Variants in SLC10A7 observed in about 807,000 individuals in gnomAD.
SLC10A7 encodes solute carrier family 10 member 7.
A neutral mutation model predicts 43.2 loss-of-function variants in SLC10A7; 29 were observed. That is an observed-to-expected ratio of 0.67 (90% confidence interval 0.50 to 0.92). The LOEUF is 0.92. Ranked by LOEUF, SLC10A7 falls within the 40% of genes least tolerant of loss-of-function variation. SLC10A7 has a pLI of 0.00. For synonymous variants in SLC10A7, 152 were observed against 144.8 expected, an observed-to-expected ratio of 1.05 and a Z score of -0.35; for missense variants, 295 against 403.2, an observed-to-expected ratio of 0.73 and a Z score of 2.30.
chr4:146,305,599 A>G (rs1246559005), intron 7 of SLC10A7, among the ~76,000 whole-genome samples: 2 of 151,980 alleles, frequency 1.3e-5, no homozygotes, highest in Non-Finnish European at 2.9e-5. Flanking sequence ...AAACTTAAAA[A>G]AAAAAGACTT....
chr4:146,298,944 A>G (rs1306771640), intron 7 of SLC10A7, among the ~76,000 whole-genome samples: 1 of 152,254 alleles, frequency 6.6e-6, no homozygotes, highest in African/African-American at 2.4e-5. Flanking sequence ...AATCAGAGTC[A>G]GTCAATAATG....
At position 146,351,013 on chromosome 4, in the gene SLC10A7, C is replaced by T. The variant is rs992724737; in HGVS notation, c.436-25017G>A. Among the ~76,000 whole-genome samples, 19 of 150,778 alleles carry T rather than the reference C, an allele frequency of 1.3e-4. 1 individual carries two copies. Among genetic ancestry groups the T allele is most frequent in the East Asian group, 7.8e-4 (4 of 5,142 alleles). On this transcript the variant is annotated intron_variant, in intron 5 of 11. Coordinates refer to ENST00000335472, the MANE Select transcript of SLC10A7 (RefSeq NM_001029998.6). ...AAGGAACGCAGTTCCTCACCAGCAA[C>T]GGAACAAAGCTGGATGGAGAATGAT... is the stretch of plus-strand genomic sequence containing the variant.
At chr4:146,384,850 C>A (rs956501020) in intron 5 of SLC10A7, among the ~76,000 whole-genome samples, 1 of 151,972 alleles carries the variant, frequency 6.6e-6, no homozygotes, top group Non-Finnish European at 1.5e-5. Context: ...GGGATACTTG[C>A]ATTTTTTTTA....
chr4:146,354,680 C>G (rs1158034807), intron 5 of SLC10A7, among the ~76,000 whole-genome samples: 2 of 151,348 alleles, frequency 1.3e-5, no homozygotes, highest in African/African-American at 4.9e-5. Context: ...GGTACTGTAC[C>G]AAAACAGAGA....
intron 4 of SLC10A7, among the ~76,000 whole-genome samples, chr4:146,495,512 A>C (rs571172220): frequency 6.6e-6 from 1 of 152,334 alleles, no homozygotes; most frequent in South Asian, 2.1e-4. Context: ...TTGAACTTAC[A>C]GTCTCCATTT....
chr4:146,464,026 T>C (rs1198669547), intron 4 of SLC10A7, among the ~76,000 whole-genome samples: 1 of 151,920 alleles, frequency 6.6e-6, no homozygotes, highest in African/African-American at 2.4e-5. Context: ...GGTCCCACTA[T>C]GTTGCCCAGG....
chr4:146,340,722 G>T (rs1734207494), intron 5 of SLC10A7, among the ~76,000 whole-genome samples: 2 of 151,778 alleles, frequency 1.3e-5, no homozygotes, highest in Non-Finnish European at 2.9e-5. Context: ...TAGCCATTGG[G>T]TGTTGTTACT....
chr4:146,320,195 G>T (rs1464018645), intron 6 of SLC10A7, among the ~76,000 whole-genome samples: 1 of 152,074 alleles, frequency 6.6e-6, no homozygotes, highest in African/African-American at 2.4e-5. Flanking sequence ...AGACCAGTCA[G>T]CATGGTAGTA....
chr4:146,498,157 G>A (rs549628072), intron 4 of SLC10A7, among the ~76,000 whole-genome samples: 30 of 148,406 alleles, frequency 2.0e-4, no homozygotes, highest in Admixed American at 9.5e-4. Context: ...TCGCTCTGTC[G>A]CCCAGGCTGG....
At position 146,286,669 on chromosome 4, in the gene SLC10A7, A is replaced by G. The variant is rs546141539; in HGVS notation, c.774-3404T>C. On this transcript the variant is annotated intron_variant, in intron 9 of 11. Coordinates refer to ENST00000335472, the MANE Select transcript of SLC10A7 (RefSeq NM_001029998.6). Reference sequence around the variant, plus strand: ...GAAGGACCGTGTCTGGAGTGGTGAGAAGGACCGTGTCTGGAGTGGTGAGGA... The same window carrying G: ...GAAGGACCGTGTCTGGAGTGGTGAGGAGGACCGTGTCTGGAGTGGTGAGGA... 5.6e-4 allele frequency among the ~76,000 whole-genome samples: 80 copies of G among 142,616 alleles called. 1 individual carries two copies. The highest frequency in any genetic ancestry group is 9.3e-4 in the South Asian group (4 of 4,294). The allele number at this position is 142,616 out of a possible 152,430, so 93.6% of individuals were successfully genotyped here.
chr4:146,317,696 C>T (rs1243419239), intron 6 of SLC10A7, among the ~76,000 whole-genome samples: 1 of 151,936 alleles, frequency 6.6e-6, no homozygotes, highest in East Asian at 1.9e-4. Flanking sequence ...TGAATTTACT[C>T]CTGTCTTGAG....
intron 4 of SLC10A7, among the ~76,000 whole-genome samples, chr4:146,467,282 C>T (rs138702701): frequency 2.0e-5 from 3 of 152,122 alleles, no homozygotes; most frequent in African/African-American, 7.2e-5. Context: ...CTGCCTTTCA[C>T]TCCCTTCCAC....
intron 4 of SLC10A7, among the ~76,000 whole-genome samples, chr4:146,469,844 A>T (rs897058377): frequency 6.6e-6 from 1 of 152,024 alleles, no homozygotes; most frequent in African/African-American, 2.4e-5. Context: ...TGCCCAGGCT[A>T]GTCTCAGGTA....
Position 146,276,603 on chromosome 4 carries a change from C to T in SLC10A7, c.847+6589G>A, listed in dbSNP as rs972184062. ...GAAATCTTATGCAAATTAAGAATCA[C>T]TTTAAGTCTTAATTTAGCTCTGCTT... On this transcript the variant is annotated intron_variant, in intron 10 of 11. Coordinates refer to ENST00000335472, the MANE Select transcript of SLC10A7 (RefSeq NM_001029998.6). 2.0e-5 allele frequency among the ~76,000 whole-genome samples: 3 copies of T among 152,110 alleles called. No homozygotes were observed. In the South Asian group the frequency reaches 6.2e-4, roughly 32 times the overall value.
rs190892332 is a variant in SLC10A7 at position 146,256,297 on chromosome 4, G to A, written c.*194C>T. The A allele has an allele frequency of 4.1e-4, 246 of 601,196 alleles. No homozygotes were observed. Among genetic ancestry groups the A allele is most frequent in the Non-Finnish European group, 6.3e-4 (215 of 340,730 alleles). The allele number at this position is 601,196 out of a possible 1,614,324, so 37.2% of individuals were successfully genotyped here. A position where few individuals can be genotyped will look rare whatever the true frequency, so the allele number is the denominator to read the frequency against. ...CCCAAATATTGTACCACCCCTGGCAGTAATCAACAAAGCATATTTTGGAAA... is the reference window on the plus strand; with the variant it reads ...CCCAAATATTGTACCACCCCTGGCAATAATCAACAAAGCATATTTTGGAAA... On this transcript the variant is annotated 3_prime_UTR_variant, in exon 12 of 12. Transcript: ENST00000335472.
intron 4 of SLC10A7, among the ~76,000 whole-genome samples, chr4:146,492,732 T>C (rs1386611820): frequency 6.6e-6 from 1 of 152,182 alleles, no homozygotes; most frequent in African/African-American, 2.4e-5. Context: ...AGAGAATACG[T>C]TGGGAAAGCA....
At chr4:146,487,193 G>T (rs17769016) in intron 4 of SLC10A7, among the ~76,000 whole-genome samples, 120,820 of 152,146 alleles carry the variant, frequency 0.79, 48,362 homozygotes, top group East Asian at 0.95. Context: ...GGAAAAGAAT[G>T]TGAAAACCTA....
intron 6 of SLC10A7, among the ~76,000 whole-genome samples, chr4:146,311,124 C>T (rs567813020): frequency 6.6e-6 from 1 of 152,192 alleles, no homozygotes; most frequent in African/African-American, 2.4e-5. Context: ...TGCCTTAGGA[C>T]ATCAGGGCTT....
chr4:146,348,428 T>C (rs1734779626), intron 5 of SLC10A7, among the ~76,000 whole-genome samples: 1 of 152,330 alleles, frequency 6.6e-6, no homozygotes, highest in Admixed American at 6.5e-5. Context: ...CTCTAGTGGA[T>C]AGCTGGGGTA....
Sources: gnomAD v4.1 joint callset for allele counts (sites outside exome capture counted in the v4.1 genomes callset) on GRCh38, gnomAD v4.1.1 for gene constraint, MANE v1.5 for transcripts, NCBI Gene and HGNC (gene_info 2026-07-23, HGNC 2026-07-21) for gene names.